Variants in ZNF177 observed in about 807,000 individuals in gnomAD.
ZNF177 encodes the protein zinc finger protein 177.
Under a neutral mutation model 19.4 loss-of-function variants are expected in ZNF177, and 17 were observed. That is an observed-to-expected ratio of 0.87 (90% confidence interval 0.60 to 1.31). The LOEUF is 1.31. Ranked by LOEUF, ZNF177 falls within the 40% of genes most tolerant of loss-of-function variation. The probability of loss-of-function intolerance (pLI) is 0.00; values close to 1 mark genes in which losing one functional copy is unlikely to be tolerated. For synonymous variants in ZNF177, 220 were observed against 188.7 expected (o/e 1.17, Z -1.36); for missense variants, 633 against 561.8 (o/e 1.13, Z -1.28).
intron 2 of ZNF177, 148 bp downstream of exon 4, chr19:9,378,492 C>A: frequency 1.6e-6 from 2 of 1,283,402 alleles, no homozygotes; most frequent in East Asian, 2.6e-5. Context: ...AAGAGGGAAT[C>A]CCTGGGAAAG....
intron 2 of ZNF177, among the ~76,000 whole-genome samples, chr19:9,366,249 G>C (rs999776150): frequency 1.3e-5 from 2 of 152,018 alleles, no homozygotes; most frequent in Non-Finnish European, 2.9e-5. Flanking sequence ...CCAAAGTGCT[G>C]GGACTACAGG....
chr19:9,365,468 G>C (rs1203684401), intron 2 of ZNF177, among the ~76,000 whole-genome samples: 1 of 151,838 alleles, frequency 6.6e-6, no homozygotes, highest in Non-Finnish European at 1.5e-5. Flanking sequence ...GGAGAGAAGG[G>C]TTCAGGGGTT....
intron 1 of ZNF177, 47 bp from the exon 4 acceptor site, chr19:9,378,212 A>C: frequency 6.6e-7 from 1 of 1,524,086 alleles, no homozygotes; most frequent in Non-Finnish European, 8.8e-7. Flanking sequence ...GCTAGTGTTG[A>C]ACATCTAGCA....
chr19:9,377,444 C>T (rs1214057559), intron 1 of ZNF177, among the ~76,000 whole-genome samples: 4 of 152,118 alleles, frequency 2.6e-5, no homozygotes, highest in African/African-American at 9.7e-5. Flanking sequence ...GTCATTGTCA[C>T]CATAGGAGAT....
At chr19:9,367,315 A>C (rs2067993699) in intron 2 of ZNF177, among the ~76,000 whole-genome samples, 1 of 152,182 alleles carries the variant, frequency 6.6e-6, no homozygotes, top group Non-Finnish European at 1.5e-5. Context: ...AGTGTCTCAA[A>C]AAAAAAATAA....
At chr19:9,380,187 G>C (rs1368898850) in intron 5 of ZNF177, 48 bp downstream of exon 7, 1 of 1,553,936 alleles carries the variant, frequency 6.4e-7, no homozygotes, top group South Asian at 1.2e-5. Flanking sequence ...AGAAGTCTGG[G>C]AATCTGAATG....
intron 2 of ZNF177, among the ~76,000 whole-genome samples, chr19:9,370,777 GT>G (rs1245065333): frequency 6.6e-6 from 1 of 152,096 alleles, no homozygotes; most frequent in African/African-American, 2.4e-5. Context: ...AGGTCTACAT[GT>G]TCAGTACAGA....
chr19:9,382,504 A>AG (rs1242123389), downstream of ZNF177: 1 of 398,298 alleles, frequency 2.5e-6, no homozygotes, highest in Non-Finnish European at 4.4e-6. Flanking sequence ...ATGTTACATG[A>AG]GAAAAATTAA....
At chr19:9,378,506 T>C in intron 2 of ZNF177, 162 bp downstream of exon 4, 3 of 1,134,656 alleles carry the variant, frequency 2.6e-6, no homozygotes, top group South Asian at 3.3e-5. Flanking sequence ...GGGAAAGGCT[T>C]CTGTTCCCAC....
At chr19:9,372,401 A>G (rs770245133), upstream of ZNF177, among the ~76,000 whole-genome samples, 1 of 151,990 alleles carries the variant, frequency 6.6e-6, no homozygotes, top group Non-Finnish European at 1.5e-5. Context: ...TTCACTGTGG[A>G]TTTTCAGTCA....
chr19:9,366,165 T>A (rs1476250947), intron 2 of ZNF177, among the ~76,000 whole-genome samples: 1 of 152,150 alleles, frequency 6.6e-6, no homozygotes, highest in Non-Finnish European at 1.5e-5. Flanking sequence ...GTATTTTTAG[T>A]AGAGACGTTC....
At chr19:9,380,363 T>C (rs1555737129) in intron 5 of ZNF177, among the ~76,000 whole-genome samples, 1 of 150,850 alleles carries the variant, frequency 6.6e-6, no homozygotes, top group Non-Finnish European at 1.5e-5. Flanking sequence ...AGTAAACATC[T>C]ATGTAAATAT....
exon 6 of ZNF177, chr19:9,381,804 C>G: frequency 6.4e-7 from 1 of 1,557,994 alleles, no homozygotes; most frequent in South Asian, 1.2e-5. Context: ...GTTTGTTGCC[C>G]CTCATGCCTC....
intron 2 of ZNF177, among the ~76,000 whole-genome samples, chr19:9,365,418 GTTC>G (rs1413651417): frequency 6.6e-6 from 1 of 151,806 alleles, no homozygotes; most frequent in African/African-American, 2.4e-5. Flanking sequence ...GGACCGGGGG[GTTC>G]TTGCACCCCA....
chr19:9,382,320 G>A (rs918327384), downstream of ZNF177: 2 of 398,834 alleles, frequency 5.0e-6, no homozygotes, highest in Non-Finnish European at 8.8e-6. Flanking sequence ...TCATGGAAAT[G>A]GGAATATCTC....
intron 2 of ZNF177, among the ~76,000 whole-genome samples, chr19:9,366,038 A>G (rs1358915236): frequency 6.6e-6 from 1 of 152,172 alleles, no homozygotes; most frequent in Non-Finnish European, 1.5e-5. Flanking sequence ...GCTAGAGTGC[A>G]GTGGCGCAAT....
intron 1 of ZNF177, among the ~76,000 whole-genome samples, chr19:9,376,771 A>AG (rs2068115156): frequency 6.6e-6 from 1 of 152,100 alleles, no homozygotes; most frequent in Admixed American, 6.5e-5. Context: ...TAATATTTTT[A>AG]TCTTTTAATC....
chr19:9,367,884 A>G (rs1250934187), intron 2 of ZNF177, among the ~76,000 whole-genome samples: 1 of 152,256 alleles, frequency 6.6e-6, no homozygotes, highest in African/African-American at 2.4e-5. Context: ...AAAACCTTCC[A>G]GATACCCAGC....
At chr19:9,380,550 ACATGT>A (rs2068180338) in intron 5 of ZNF177, 113 bp from the exon 8 acceptor site, 1 of 1,528,596 alleles carries the variant, frequency 6.5e-7, no homozygotes, top group Non-Finnish European at 8.8e-7. Context: ...AAAATGGTAC[ACATGT>A]CAGTCATGAT....
Sources: gnomAD v4.1 joint callset for allele counts (sites outside exome capture counted in the v4.1 genomes callset) on GRCh38, gnomAD v4.1.1 for gene constraint, MANE v1.5 for transcripts, NCBI Gene and HGNC (gene_info 2026-07-23, HGNC 2026-07-21) for gene names.